TTC6: variants seen among roughly 807,000 people sequenced by gnomAD.
TTC6 encodes the protein tetratricopeptide repeat domain 6.
A neutral mutation model predicts 210.4 loss-of-function variants in TTC6; 172 were observed. The observed-to-expected ratio is 0.82, with a 90% CI of 0.72 to 0.93. TTC6 has a LOEUF of 0.93. Ranked by LOEUF, TTC6 falls within the 40% of genes least tolerant of loss-of-function variation. The probability of loss-of-function intolerance (pLI) is 0.00; values close to 1 mark genes in which losing one functional copy is unlikely to be tolerated. For missense variants in TTC6, 2,414 were observed against 2,318.1 expected (o/e 1.04, Z -0.85); for synonymous variants, 804 against 819.6 (o/e 0.98, Z 0.32).
At chr14:37,657,339 G>A (rs2095726370) in intron 1 of TTC6, among the ~76,000 whole-genome samples, 1 of 138,966 alleles carries the variant, frequency 7.2e-6, no homozygotes, top group Non-Finnish European at 1.6e-5. Flanking sequence ...AGTTTTGGAA[G>A]CTTTCTATTT....
intron 24 of TTC6, among the ~76,000 whole-genome samples, chr14:37,810,353 T>C (rs540846218): frequency 1.3e-5 from 2 of 152,326 alleles, no homozygotes; most frequent in South Asian, 4.1e-4. Flanking sequence ...ATCTCAGATA[T>C]GCGAAAGAGC....
chr14:37,753,703 A>G (rs2095959107), intron 14 of TTC6, among the ~76,000 whole-genome samples: 1 of 151,752 alleles, frequency 6.6e-6, no homozygotes, highest in African/African-American at 2.4e-5. Flanking sequence ...CAAGTAGCTA[A>G]GACTACAAGG....
At position 37,665,464 on chromosome 14, in the gene TTC6, A is replaced by G. The variant is rs566471426; in HGVS notation, c.940-14687A>G. 2.8e-4 allele frequency among the ~76,000 whole-genome samples: 42 copies of G among 150,406 alleles called. 3 individuals carry two copies. In the South Asian group the frequency reaches 5.8e-3, roughly 21 times the overall value. On this transcript the variant is annotated intron_variant, in intron 1 of 30. Transcript: ENST00000553443. ...CTGAATGATGAGAACACATGGACACATTGAGGGAGAACAACACACACTGGA... is the reference window on the plus strand; with the variant it reads ...CTGAATGATGAGAACACATGGACACGTTGAGGGAGAACAACACACACTGGA...
At chr14:37,621,169 G>C (rs114801054), upstream of TTC6, among the ~76,000 whole-genome samples, 1 of 152,204 alleles carries the variant, frequency 6.6e-6, no homozygotes, top group Non-Finnish European at 1.5e-5. Context: ...GCTGGAGAGA[G>C]AAGGGGAAAC....
chr14:37,804,039 G>A (rs1043679269), intron 20 of TTC6, among the ~76,000 whole-genome samples: 10 of 152,136 alleles, frequency 6.6e-5, no homozygotes, highest in African/African-American at 2.4e-4. Context: ...TTTCATTAAT[G>A]AGACATTTGA....
rs959695066 is a variant in TTC6 at position 37,749,265 on chromosome 14, A to G, written c.2690A>G (p.Tyr897Cys). 7.2e-6 allele frequency: 11 copies of G among 1,526,624 alleles called. No individual in the cohort carries two copies. The African/African-American group carries it at 9.6e-5, about 13-fold the overall frequency. The allele number at this position is 1,526,624 out of a possible 1,614,324, so 94.6% of individuals were successfully genotyped here. Residue 897 changes from tyrosine (Y) to cysteine (C), a missense_variant, in exon 11 of 31, where the codon TAT becomes TGT. By Grantham distance (194) the Tyr-to-Cys change is radical (BLOSUM62 -2). Transcript: ENST00000553443. ...GATCTTCCACAAGAGGTCATTAAAT[A>G]TTATGAATCTGAAGTGAAGATTTTG...
intron 28 of TTC6, 71 bp downstream of exon 30, chr14:37,826,418 A>C: frequency 7.6e-7 from 1 of 1,314,676 alleles, no homozygotes; most frequent in Non-Finnish European, 1.0e-6. Flanking sequence ...GCAAGTAAGA[A>C]GTTCTCTGTT....
chr14:37,750,812 C>T (rs940344128), intron 12 of TTC6, among the ~76,000 whole-genome samples: 5 of 152,056 alleles, frequency 3.3e-5, no homozygotes, highest in Non-Finnish European at 5.9e-5. Context: ...ATTGCTTGAG[C>T]CCTGGAGGTC....
intron 10 of TTC6, among the ~76,000 whole-genome samples, chr14:37,742,451 C>T (rs968590716): frequency 2.0e-5 from 3 of 151,908 alleles, no homozygotes; most frequent in Non-Finnish European, 4.4e-5. Context: ...TTTCCATTGC[C>T]CAGACTGGAG....
rs1175299676 is a variant in TTC6 at position 37,629,906 on chromosome 14, T to C, written c.939+6903T>C. On this transcript the variant is annotated intron_variant, in intron 1 of 30. Transcript: ENST00000553443. The stretch of plus-strand genomic sequence containing the variant: ...TTGGTTCTGTTTATGTGATGAATTA[T>C]GTTTATTGATTTGAGTATGTTGAAC... 3.3e-5 allele frequency among the ~76,000 whole-genome samples: 5 copies of C among 152,308 alleles called. No individual in the cohort carries two copies. In the South Asian group the frequency reaches 1.0e-3, roughly 32 times the overall value.
At chr14:37,797,354 G>C (rs942348905) in intron 20 of TTC6, among the ~76,000 whole-genome samples, 1 of 151,866 alleles carries the variant, frequency 6.6e-6, no homozygotes, top group Non-Finnish European at 1.5e-5. Context: ...CTTTATTTTT[G>C]CCAATTTGGT....
At chr14:37,785,467 T>A (rs1055862808) in intron 14 of TTC6, among the ~76,000 whole-genome samples, 1 of 152,226 alleles carries the variant, frequency 6.6e-6, no homozygotes, top group Non-Finnish European at 1.5e-5. Flanking sequence ...TTGAACTCCA[T>A]CAGGTCATTT....
chr14:37,821,641 C>T (rs1231864207), intron 26 of TTC6, among the ~76,000 whole-genome samples: 1 of 152,042 alleles, frequency 6.6e-6, no homozygotes, highest in Non-Finnish European at 1.5e-5. Context: ...TGTTATTTTT[C>T]ATGGCCTGGA....
intron 1 of TTC6, among the ~76,000 whole-genome samples, chr14:37,655,398 G>A (rs1031166982): frequency 6.6e-6 from 1 of 152,180 alleles, no homozygotes; most frequent in African/African-American, 2.4e-5. Flanking sequence ...ATAAAACTTC[G>A]TGTTTTAATT....
chr14:37,700,194 A>C (rs1252071820), intron 4 of TTC6, among the ~76,000 whole-genome samples: 1 of 152,150 alleles, frequency 6.6e-6, no homozygotes, highest in Non-Finnish European at 1.5e-5. Context: ...GTACTTCTGG[A>C]GAAGGGCCAC....
chr14:37,810,546 G>A (rs1216254700), intron 24 of TTC6, among the ~76,000 whole-genome samples: 2 of 152,198 alleles, frequency 1.3e-5, no homozygotes, highest in Non-Finnish European at 2.9e-5. Context: ...GTCACACAGA[G>A]AGAGTTAGTG....
At chr14:37,706,013 C>T (rs746213165) in intron 5 of TTC6, among the ~76,000 whole-genome samples, 92 of 152,192 alleles carry the variant, frequency 6.0e-4, no homozygotes, top group Non-Finnish European at 1.1e-3. Context: ...AATTGGAATC[C>T]ATCTGATAAC....
chr14:37,823,886 G>C, exon 27 of TTC6: 2 of 1,613,988 alleles, frequency 1.2e-6, no homozygotes, highest in Non-Finnish European at 1.7e-6. Context: ...AGCACAGAAA[G>C]ACTTTCTGAA....
At chr14:37,595,692 C>T (rs764410298), upstream of TTC6, among the ~76,000 whole-genome samples, 1 of 152,128 alleles carries the variant, frequency 6.6e-6, no homozygotes, top group African/African-American at 2.4e-5. Flanking sequence ...TAACTGACCC[C>T]GGGGTCCCTC....
Sources: allele counts gnomAD v4.1 joint callset (sites outside exome capture counted in the v4.1 genomes callset), GRCh38; gene constraint gnomAD v4.1.1; transcripts MANE v1.5; gene names NCBI Gene and HGNC (gene_info 2026-07-23, HGNC 2026-07-21).